Variants in ADCY2 observed in about 807,000 individuals in gnomAD.
ADCY2 encodes the protein adenylate cyclase 2, also known as adenylate cyclase type 2.
ADCY2 carries 31 observed loss-of-function variants against 125.2 expected under a neutral mutation model. That is an observed-to-expected ratio of 0.25 (90% CI 0.19 to 0.33). ADCY2 has a LOEUF of 0.33. Among genes scored for constraint, ADCY2 ranks in the 10% least tolerant of loss-of-function variants. The pLI is 1.00. For missense variants in ADCY2, 904 were observed against 1,418.2 expected, an observed-to-expected ratio of 0.64 and a Z score of 5.82; for synonymous variants, 512 against 548.4, an observed-to-expected ratio of 0.93 and a Z score of 0.93.
chr5:7,632,191 A>G (rs1315876161), intron 4 of ADCY2, among the ~76,000 whole-genome samples: 1 of 152,186 alleles, frequency 6.6e-6, no homozygotes, highest in Non-Finnish European at 1.5e-5. Flanking sequence ...GAGAGAGCCT[A>G]ACAGGAGAAA....
chr5:7,545,417 T>C (rs1213209362), intron 3 of ADCY2, among the ~76,000 whole-genome samples: 1 of 152,170 alleles, frequency 6.6e-6, no homozygotes, highest in African/African-American at 2.4e-5. Context: ...TTGAGTGTCC[T>C]GGATACTTAA....
intron 3 of ADCY2, among the ~76,000 whole-genome samples, chr5:7,554,174 C>T (rs984425496): frequency 3.9e-5 from 6 of 152,046 alleles, no homozygotes; most frequent in Admixed American, 2.0e-4. Context: ...ATGCCAAGGC[C>T]GACCAAAGAA....
intron 2 of ADCY2, among the ~76,000 whole-genome samples, chr5:7,415,684 C>T (rs115256159): frequency 0.031 from 4,785 of 152,252 alleles, 88 homozygotes; most frequent in Non-Finnish European, 0.036. Flanking sequence ...TCATTTTGCA[C>T]CTTTTGAGGC....
intron 2 of ADCY2, among the ~76,000 whole-genome samples, chr5:7,482,085 T>C (rs190182591): frequency 2.8e-4 from 43 of 152,286 alleles, no homozygotes; most frequent in Admixed American, 3.3e-4. Flanking sequence ...CCCTCCTGAC[T>C]CAGAAATGGT....
At chr5:7,598,267 G>A (rs934655316) in intron 3 of ADCY2, among the ~76,000 whole-genome samples, 2 of 152,158 alleles carry the variant, frequency 1.3e-5, no homozygotes, top group Non-Finnish European at 2.9e-5. Context: ...AAGCCTCGAG[G>A]CCAGACTCGT....
intron 2 of ADCY2, among the ~76,000 whole-genome samples, chr5:7,420,060 C>A (rs1740133765): frequency 6.6e-6 from 1 of 152,128 alleles, no homozygotes. Context: ...GCGATTGCAC[C>A]CCCCGGGGAC....
chr5:7,477,114 T>C (rs1006217547), intron 2 of ADCY2, among the ~76,000 whole-genome samples: 2 of 152,182 alleles, frequency 1.3e-5, no homozygotes, highest in African/African-American at 4.8e-5. Flanking sequence ...CTTATAGTTA[T>C]ATTTATCTCC....
At chr5:7,637,833 A>T (rs1738562772) in intron 4 of ADCY2, among the ~76,000 whole-genome samples, 1 of 152,252 alleles carries the variant, frequency 6.6e-6, no homozygotes, top group Admixed American at 6.5e-5. Flanking sequence ...TTATAACCAT[A>T]TTCCAGGGAA....
intron 4 of ADCY2, among the ~76,000 whole-genome samples, chr5:7,631,765 G>T (rs993777329): frequency 6.6e-6 from 1 of 152,162 alleles, no homozygotes; most frequent in African/African-American, 2.4e-5. Flanking sequence ...CATCCCCAAA[G>T]ATCCCTCCAG....
intron 2 of ADCY2, among the ~76,000 whole-genome samples, chr5:7,462,133 T>G (rs931964302): frequency 1.3e-5 from 2 of 152,218 alleles, no homozygotes; most frequent in African/African-American, 4.8e-5. Context: ...CAAGTGGAAT[T>G]GTCTACAGAA....
intron 2 of ADCY2, among the ~76,000 whole-genome samples, chr5:7,480,311 T>C (rs967084308): frequency 3.3e-5 from 5 of 152,196 alleles, no homozygotes; most frequent in African/African-American, 1.2e-4. Context: ...GGAGTATTCA[T>C]TGCATCACTG....
chr5:7,781,581 T>C (rs1743923444), intron 18 of ADCY2, among the ~76,000 whole-genome samples: 1 of 152,150 alleles, frequency 6.6e-6, no homozygotes, highest in South Asian at 2.1e-4. Context: ...CAAGGAAGCA[T>C]TCCCTAATGG....
intron 2 of ADCY2, among the ~76,000 whole-genome samples, chr5:7,438,324 G>T (rs1740884652): frequency 6.6e-6 from 1 of 152,246 alleles, no homozygotes; most frequent in African/African-American, 2.4e-5. Flanking sequence ...CAGAAGGAAT[G>T]AAACCTCTTG....
chr5:7,777,589 C>A (rs1030226552), intron 18 of ADCY2, among the ~76,000 whole-genome samples: 15 of 152,154 alleles, frequency 9.9e-5, no homozygotes, highest in Admixed American at 9.8e-4. Context: ...TCAGGGAAGG[C>A]ATCTCTGTTT....
intron 3 of ADCY2, among the ~76,000 whole-genome samples, chr5:7,574,156 A>G (rs916196824): frequency 1.7e-5 from 2 of 116,682 alleles, no homozygotes; most frequent in African/African-American, 5.7e-5. Context: ...AGTCCAGTCT[A>G]TCATTGTTGG....
chr5:7,498,287 C>T (rs977551452), intron 2 of ADCY2, among the ~76,000 whole-genome samples: 16 of 119,758 alleles, frequency 1.3e-4, no homozygotes, highest in African/African-American at 4.4e-4. Flanking sequence ...CTCGCTCTAT[C>T]GCCCAGGCTG....
chr5:7,739,987 A>G (rs539883221), intron 14 of ADCY2, among the ~76,000 whole-genome samples: 27 of 152,138 alleles, frequency 1.8e-4, no homozygotes, highest in African/African-American at 6.0e-4. Flanking sequence ...TTAAGAAAAT[A>G]AGATAGAAAG....
chr5:7,606,794 A>G (rs1737392829), intron 3 of ADCY2, among the ~76,000 whole-genome samples: 1 of 152,244 alleles, frequency 6.6e-6, no homozygotes, highest in South Asian at 2.1e-4. Flanking sequence ...AATGAAAGGT[A>G]TACATACATT....
At chr5:7,659,279 T>A (rs1345157612) in intron 4 of ADCY2, among the ~76,000 whole-genome samples, 1 of 152,244 alleles carries the variant, frequency 6.6e-6, no homozygotes, top group African/African-American at 2.4e-5. Context: ...ACTTAACTAA[T>A]TACATACATC....
Sources: allele counts gnomAD v4.1 joint callset (sites outside exome capture counted in the v4.1 genomes callset), GRCh38; gene constraint gnomAD v4.1.1; transcripts MANE v1.5; gene names NCBI Gene and HGNC (gene_info 2026-07-23, HGNC 2026-07-21).